Variants in GALNTL6 observed in about 807,000 individuals in gnomAD.
The protein encoded by GALNTL6 is polypeptide N-acetylgalactosaminyltransferase like 6, also known as polypeptide N-acetylgalactosaminyltransferase-like 6.
GALNTL6 carries 46 observed loss-of-function variants against 73.7 expected under a neutral mutation model. That is an observed-to-expected ratio of 0.62 (90% CI 0.49 to 0.80). The LOEUF (loss-of-function observed/expected upper bound fraction) is 0.80, where lower values mean the gene tolerates loss of function less well. Among genes scored for constraint, GALNTL6 ranks in the 30% least tolerant of loss-of-function variants. The probability of loss-of-function intolerance (pLI) is 0.00; values close to 1 mark genes in which losing one functional copy is unlikely to be tolerated. For synonymous variants in GALNTL6, 259 were observed against 263.7 expected (o/e 0.98, Z 0.17); for missense variants, 604 against 755.0 (o/e 0.80, Z 2.34).
intron 5 of GALNTL6, among the ~76,000 whole-genome samples, chr4:172,600,549 C>G (rs1738017942): frequency 6.6e-6 from 1 of 152,094 alleles, no homozygotes; most frequent in Non-Finnish European, 1.5e-5. Context: ...ACACAGGGAT[C>G]CCTCTAAGGA....
At chr4:172,382,515 A>G (rs1045021054) in intron 5 of GALNTL6, among the ~76,000 whole-genome samples, 2 of 152,146 alleles carry the variant, frequency 1.3e-5, no homozygotes, top group African/African-American at 4.8e-5. Context: ...TGTATCAAAT[A>G]TATAATTTGT....
At chr4:171,919,061 T>C (rs1737707908) in intron 2 of GALNTL6, among the ~76,000 whole-genome samples, 1 of 152,126 alleles carries the variant, frequency 6.6e-6, no homozygotes, top group South Asian at 2.1e-4. Context: ...GCTCTAGATG[T>C]CTGGTGTACA....
chr4:172,387,961 C>G (rs1743530329), intron 5 of GALNTL6, among the ~76,000 whole-genome samples: 1 of 152,052 alleles, frequency 6.6e-6, no homozygotes, highest in Non-Finnish European at 1.5e-5. Flanking sequence ...ATTTCCACTC[C>G]ACAATCTAAT....
chr4:172,784,836 C>T (rs1300472020), intron 5 of GALNTL6, among the ~76,000 whole-genome samples: 1 of 152,158 alleles, frequency 6.6e-6, no homozygotes, highest in African/African-American at 2.4e-5. Flanking sequence ...CTTTCACAAA[C>T]ATAATTGGGA....
At chr4:171,942,674 A>G (rs1305413426) in intron 2 of GALNTL6, among the ~76,000 whole-genome samples, 1 of 152,212 alleles carries the variant, frequency 6.6e-6, no homozygotes, top group Non-Finnish European at 1.5e-5. Context: ...GATGGACAAT[A>G]CAGATTGCAC....
At chr4:172,029,909 C>T (rs1426958536) in intron 2 of GALNTL6, among the ~76,000 whole-genome samples, 2 of 152,040 alleles carry the variant, frequency 1.3e-5, no homozygotes, top group African/African-American at 4.8e-5. Context: ...TAATGGTTAG[C>T]TAATTTACAT....
At chr4:172,753,555 C>T (rs1737556329) in intron 5 of GALNTL6, among the ~76,000 whole-genome samples, 2 of 151,992 alleles carry the variant, frequency 1.3e-5, no homozygotes, top group African/African-American at 4.8e-5. Context: ...AAGACTATTG[C>T]AAGATTTCCC....
intron 3 of GALNTL6, among the ~76,000 whole-genome samples, chr4:172,301,475 T>TG (rs972902982): frequency 6.6e-6 from 1 of 152,222 alleles, no homozygotes; most frequent in Non-Finnish European, 1.5e-5. Context: ...TTTTCTGCTC[T>TG]GTTTTTTCCC....
chr4:172,691,987 A>G (rs1243680499), intron 5 of GALNTL6, among the ~76,000 whole-genome samples: 1 of 152,198 alleles, frequency 6.6e-6, no homozygotes, highest in Non-Finnish European at 1.5e-5. Context: ...CTTTCCTTCA[A>G]AATTGAGAGT....
chr4:172,110,090 T>G (rs771090623), intron 2 of GALNTL6, among the ~76,000 whole-genome samples: 2 of 152,198 alleles, frequency 1.3e-5, no homozygotes, highest in African/African-American at 2.4e-5. Context: ...TGAGTTATCT[T>G]GGACTCTAGA....
chr4:172,378,302 G>A (rs1430703009), intron 5 of GALNTL6, among the ~76,000 whole-genome samples: 5 of 152,114 alleles, frequency 3.3e-5, no homozygotes, highest in Non-Finnish European at 7.4e-5. Flanking sequence ...CAGGGAAGCC[G>A]ATTCAAGGAA....
intron 2 of GALNTL6, among the ~76,000 whole-genome samples, chr4:172,203,769 G>A (rs1318624869): frequency 6.6e-6 from 1 of 151,928 alleles, no homozygotes; most frequent in Non-Finnish European, 1.5e-5. Context: ...TTTTCGAGGT[G>A]GAGTTTTGCT....
intron 5 of GALNTL6, among the ~76,000 whole-genome samples, chr4:172,633,246 C>T (rs1025695188): frequency 3.9e-5 from 6 of 152,196 alleles, no homozygotes; most frequent in Non-Finnish European, 8.8e-5. Context: ...GGAAAAGCCA[C>T]AGACACTCAA....
intron 5 of GALNTL6, among the ~76,000 whole-genome samples, chr4:172,715,097 C>CA (rs147483524): frequency 2.3e-4 from 34 of 150,368 alleles, no homozygotes; most frequent in South Asian, 8.4e-4. Context: ...ATGATTTCAA[C>CA]AAAAAAAAAT....
intron 2 of GALNTL6, among the ~76,000 whole-genome samples, chr4:171,962,351 G>T (rs912026771): frequency 2.6e-5 from 4 of 152,158 alleles, no homozygotes; most frequent in Non-Finnish European, 5.9e-5. Flanking sequence ...TGAGATAGGA[G>T]ATCCGCACAA....
chr4:172,138,690 C>T (rs560212525), intron 2 of GALNTL6, among the ~76,000 whole-genome samples: 136 of 149,002 alleles, frequency 9.1e-4, no homozygotes, highest in African/African-American at 3.1e-3. Context: ...CCACCACGCC[C>T]GGCTAATTTT....
chr4:172,671,647 T>G (rs1731993045), intron 5 of GALNTL6, among the ~76,000 whole-genome samples: 1 of 152,208 alleles, frequency 6.6e-6, no homozygotes, highest in South Asian at 2.1e-4. Context: ...TTGAATGCAC[T>G]TATTTCTTTC....
chr4:172,474,415 G>A (rs1733162273), intron 5 of GALNTL6, among the ~76,000 whole-genome samples: 1 of 152,042 alleles, frequency 6.6e-6, no homozygotes, highest in African/African-American at 2.4e-5. Context: ...GTCTTCCTAT[G>A]GTAGAATGTA....
chr4:173,030,990 C>A (rs1753432943), intron 12 of GALNTL6, among the ~76,000 whole-genome samples: 1 of 150,474 alleles, frequency 6.6e-6, no homozygotes, highest in African/African-American at 2.5e-5. Context: ...GGTGACCCAG[C>A]AAGATCCTGT....
Sources: allele counts gnomAD v4.1 joint callset (sites outside exome capture counted in the v4.1 genomes callset), GRCh38; gene constraint gnomAD v4.1.1; transcripts MANE v1.5; gene names NCBI Gene and HGNC (gene_info 2026-07-23, HGNC 2026-07-21).